MACROD2: variants seen among roughly 807,000 people sequenced by gnomAD.
MACROD2 encodes mono-ADP ribosylhydrolase 2, also known as ADP-ribose glycohydrolase MACROD2.
A neutral mutation model predicts 70.4 loss-of-function variants in MACROD2; 36 were observed. That is an observed-to-expected ratio of 0.51 (90% CI 0.39 to 0.68). The LOEUF (loss-of-function observed/expected upper bound fraction) is 0.68. Among genes scored for constraint, MACROD2 ranks in the 30% least tolerant of loss-of-function variants. The pLI is 0.00. For synonymous variants in MACROD2, 172 were observed against 178.8 expected (o/e 0.96, Z 0.30); for missense variants, 496 against 538.4 (o/e 0.92, Z 0.78).
intron 8 of MACROD2, among the ~76,000 whole-genome samples, chr20:15,559,742 G>T (rs915132693): frequency 2.0e-5 from 3 of 152,152 alleles, no homozygotes; most frequent in African/African-American, 7.2e-5. Context: ...GGTCAATAAG[G>T]GGTGAGGAGA....
At chr20:14,283,884 G>A (rs1296764992) in intron 3 of MACROD2, among the ~76,000 whole-genome samples, 1 of 152,096 alleles carries the variant, frequency 6.6e-6, no homozygotes, top group Non-Finnish European at 1.5e-5. Flanking sequence ...CTGATAAAAT[G>A]CCTTTTAAGT....
chr20:14,097,875 A>G (rs1415140544), intron 3 of MACROD2, among the ~76,000 whole-genome samples: 1 of 152,222 alleles, frequency 6.6e-6, no homozygotes, highest in Non-Finnish European at 1.5e-5. Flanking sequence ...TGTGCAATAA[A>G]CAAAGTCTGT....
At position 15,259,140 on chromosome 20, in the gene MACROD2, C is replaced by T. The variant is rs2077225908; in HGVS notation, c.540+29079C>T. ...TTCTTTCCCCCCATACAACATTCTG[C>T]TGCTTATCTTTTGCCTTATTTTCAA... On this transcript the variant is annotated intron_variant, in intron 6 of 17. Coordinates refer to ENST00000684519, the MANE Select transcript of MACROD2 (RefSeq NM_001351661.2). Among the ~76,000 whole-genome samples the T allele has an allele frequency of 2.6e-5, 4 of 151,970 alleles. No homozygotes were observed. The South Asian group carries it at 8.3e-4, about 32-fold the overall frequency.
intron 6 of MACROD2, among the ~76,000 whole-genome samples, chr20:15,345,607 G>C (rs886957818): frequency 6.6e-6 from 1 of 152,188 alleles, no homozygotes; most frequent in Admixed American, 6.5e-5. Flanking sequence ...TGTCCAATAT[G>C]GTAGCCACTG....
intron 15 of MACROD2, among the ~76,000 whole-genome samples, chr20:16,029,066 T>TA (rs2067118548): frequency 6.6e-6 from 1 of 152,118 alleles, no homozygotes; most frequent in African/African-American, 2.4e-5. Context: ...TCCTGTTTCA[T>TA]AGACAGCCGT....
chr20:15,134,537 A>G (rs1002799882), intron 5 of MACROD2, among the ~76,000 whole-genome samples: 3 of 152,132 alleles, frequency 2.0e-5, no homozygotes, highest in African/African-American at 7.2e-5. Context: ...CAGACACAAC[A>G]TACCAGAATC....
intron 6 of MACROD2, among the ~76,000 whole-genome samples, chr20:15,241,996 A>T (rs1423901799): frequency 6.6e-6 from 1 of 152,176 alleles, no homozygotes; most frequent in Non-Finnish European, 1.5e-5. Context: ...CATGTATTAA[A>T]TATGAAAGAA....
chr20:14,972,360 C>A (rs574569293), intron 5 of MACROD2, among the ~76,000 whole-genome samples: 11 of 152,156 alleles, frequency 7.2e-5, no homozygotes, highest in African/African-American at 2.4e-4. Flanking sequence ...ATCGATTATA[C>A]CCTCCCTTCC....
At chr20:15,263,399 T>C (rs1330426506) in intron 6 of MACROD2, among the ~76,000 whole-genome samples, 1 of 152,130 alleles carries the variant, frequency 6.6e-6, no homozygotes, top group Non-Finnish European at 1.5e-5. Flanking sequence ...GTGCCTGTTT[T>C]TATGCCAGTA....
intron 3 of MACROD2, among the ~76,000 whole-genome samples, chr20:14,233,698 C>CAAAAAAAAAAAAAAAAAAAA (rs1261096475): frequency 3.6e-5 from 1 of 27,472 alleles, no homozygotes; most frequent in African/African-American, 1.4e-4. Context: ...CTCCGTCTCA[C>CAAAAAAAAAAAAAAAAAAAA]AAAAAAAAAA....
Position 15,799,931 on chromosome 20 carries a change from CT to C in MACROD2, c.646-62806del, listed in dbSNP as rs1161547120. 2.6e-5 allele frequency among the ~76,000 whole-genome samples: 4 copies of C among 152,162 alleles called. No homozygotes were observed. In the East Asian group the frequency reaches 7.7e-4, roughly 29 times the overall value. ...CCTTTTCTCTGCATCCTTGTCAACA[CT>C]TTTTTTTCTTTTTCTTTTTTTCGTC... On this transcript the variant is annotated intron_variant, in intron 8 of 17. Transcript: ENST00000684519.
At chr20:14,960,489 G>A (rs1056054211) in intron 5 of MACROD2, among the ~76,000 whole-genome samples, 1 of 152,158 alleles carries the variant, frequency 6.6e-6, no homozygotes, top group African/African-American at 2.4e-5. Context: ...CTGTGCTATA[G>A]ACAATAATGA....
intron 3 of MACROD2, among the ~76,000 whole-genome samples, chr20:14,444,572 G>A (rs1195731237): frequency 1.3e-5 from 2 of 151,936 alleles, no homozygotes; most frequent in African/African-American, 4.8e-5. Flanking sequence ...TCAGTCTCAA[G>A]TTGAGTTACA....
chr20:15,507,778 A>G (rs2047447094), intron 8 of MACROD2, among the ~76,000 whole-genome samples: 1 of 152,144 alleles, frequency 6.6e-6, no homozygotes, highest in Non-Finnish European at 1.5e-5. Context: ...ATCTCTCACA[A>G]TTGGCATAAT....
Position 15,830,538 on chromosome 20 carries a change from A to T in MACROD2, c.646-32207A>T, listed in dbSNP as rs986678974. On this transcript the variant is annotated intron_variant, in intron 8 of 17. Coordinates refer to ENST00000684519, the MANE Select transcript of MACROD2 (RefSeq NM_001351661.2). ...TTGGCAAAGAGAGTAAGTAAGCATTAAACGACACAGAATGAGGAGCGGAAG... is the reference window on the plus strand; with the variant it reads ...TTGGCAAAGAGAGTAAGTAAGCATTTAACGACACAGAATGAGGAGCGGAAG... Among the ~76,000 whole-genome samples the T allele has an allele frequency of 7.9e-5, 12 of 152,352 alleles. No homozygotes were observed. In the South Asian group the frequency reaches 2.3e-3, roughly 29 times the overall value.
intron 5 of MACROD2, among the ~76,000 whole-genome samples, chr20:14,748,166 C>T (rs1349598346): frequency 3.9e-5 from 6 of 152,218 alleles, no homozygotes; most frequent in East Asian, 1.9e-4. Context: ...AGTTCCTACA[C>T]GCCTCTTAGC....
intron 3 of MACROD2, among the ~76,000 whole-genome samples, chr20:14,269,750 A>T (rs2122346776): frequency 6.6e-6 from 1 of 152,154 alleles, no homozygotes; most frequent in East Asian, 1.9e-4. Context: ...CATTCTTTAA[A>T]CATGCTGGAA....
At chr20:15,533,407 A>T (rs936648348) in intron 8 of MACROD2, among the ~76,000 whole-genome samples, 2 of 152,192 alleles carry the variant, frequency 1.3e-5, no homozygotes, top group South Asian at 2.1e-4. Context: ...ATTTATAAAC[A>T]TACGCTTTAG....
chr20:14,783,934 C>G (rs1350530141), intron 5 of MACROD2, among the ~76,000 whole-genome samples: 2 of 152,056 alleles, frequency 1.3e-5, no homozygotes, highest in African/African-American at 4.8e-5. Context: ...GTCCTGAGCA[C>G]TCTCAGTTTC....
Sources: allele counts gnomAD v4.1 joint callset (sites outside exome capture counted in the v4.1 genomes callset), GRCh38; gene constraint gnomAD v4.1.1; transcripts MANE v1.5; gene names NCBI Gene and HGNC (gene_info 2026-07-23, HGNC 2026-07-21).